NIBAN2: variants seen among roughly 807,000 people sequenced by gnomAD.
NIBAN2 encodes protein Niban 2.
Under a neutral mutation model 81.8 loss-of-function variants are expected in NIBAN2, and 36 were observed. The ratio of observed to expected loss-of-function variants is 0.44; its 90% CI spans 0.34 to 0.58. The LOEUF (loss-of-function observed/expected upper bound fraction) is 0.58, where lower values mean the gene tolerates loss of function less well. Among genes scored for constraint, NIBAN2 ranks in the 20% least tolerant of loss-of-function variants. The pLI is 0.02. For synonymous variants in NIBAN2, 445 were observed against 441.6 expected (o/e 1.01, Z -0.10); for missense variants, 897 against 1,014.1 (o/e 0.88, Z 1.57).
At chr9:127,530,351 G>C (rs1214044764) in intron 2 of NIBAN2, among the ~76,000 whole-genome samples, 1 of 152,200 alleles carries the variant, frequency 6.6e-6, no homozygotes, top group African/African-American at 2.4e-5. Context: ...AAGGGCCCTG[G>C]GCTGGTCCAG....
At chr9:127,567,242 C>A (rs890098898) in intron 1 of NIBAN2, among the ~76,000 whole-genome samples, 5 of 152,122 alleles carry the variant, frequency 3.3e-5, no homozygotes, top group Non-Finnish European at 5.9e-5. Flanking sequence ...CCCACCCAGG[C>A]CCCTCGAGGG....
At chr9:127,533,309 TAGCC>T (rs1363201020) in intron 1 of NIBAN2, among the ~76,000 whole-genome samples, 1 of 152,004 alleles carries the variant, frequency 6.6e-6, no homozygotes, top group Non-Finnish European at 1.5e-5. Context: ...TAGAAAAAAT[TAGCC>T]AGGCATGGTG....
chr9:127,576,153 A>G (rs1295560206), intron 1 of NIBAN2, among the ~76,000 whole-genome samples: 1 of 152,162 alleles, frequency 6.6e-6, no homozygotes, highest in Admixed American at 6.5e-5. Context: ...TGTGCAGAAC[A>G]CTATCCTGGG....
At chr9:127,551,647 G>A (rs570122708) in intron 1 of NIBAN2, among the ~76,000 whole-genome samples, 11 of 150,958 alleles carry the variant, frequency 7.3e-5, no homozygotes, top group Admixed American at 2.0e-4. Context: ...CCCAGGAGGC[G>A]GAGGTTGCAG....
rs775295866 is a variant in NIBAN2, at chr9:127,507,985, G to C, written c.1543-7C>G. On this transcript the variant is annotated splice_region_variant and splice_polypyrimidine_tract_variant and intron_variant, in intron 12 of 13. Coordinates refer to ENST00000373312, the MANE Select transcript of NIBAN2 (RefSeq NM_022833.4). This position sits in a 1 kb window ranked among gnomAD's most constrained non-coding sequence, Gnocchi z 6.8. ...CCTGGAACCGGGGCAGCTCCTGCCC[G>C]GGTGGGGCGGCAGAGATGAGAGGTC... is the stretch of plus-strand genomic sequence containing the variant. 1 of 1,613,570 alleles carries C rather than the reference G, an allele frequency of 6.2e-7. No individual in the cohort carries two copies. The highest frequency in any genetic ancestry group is 2.2e-5 in the East Asian group (1 of 44,872).
At chr9:127,513,009 A>G (rs931082372) in intron 8 of NIBAN2, among the ~76,000 whole-genome samples, 1 of 152,228 alleles carries the variant, frequency 6.6e-6, no homozygotes, top group African/African-American at 2.4e-5. Context: ...AATGCGGTAC[A>G]TATACACGAT....
chr9:127,523,160 T>C (rs1175231902), intron 5 of NIBAN2, among the ~76,000 whole-genome samples: 1 of 96,244 alleles, frequency 1.0e-5, no homozygotes, highest in Non-Finnish European at 2.0e-5. Flanking sequence ...CCCTGCAGGT[T>C]GGTGGTTTTA....
chr9:127,560,162 G>T (rs556055730), intron 1 of NIBAN2, among the ~76,000 whole-genome samples: 2 of 152,306 alleles, frequency 1.3e-5, no homozygotes, highest in Non-Finnish European at 2.9e-5. Context: ...CACTAGAGGA[G>T]TGGGAGCAGA....
At chr9:127,511,144 A>C (rs1423661847) in intron 8 of NIBAN2, among the ~76,000 whole-genome samples, 2 of 151,998 alleles carry the variant, frequency 1.3e-5, no homozygotes, top group African/African-American at 4.8e-5. Flanking sequence ...TCCCAGGTTC[A>C]AGTGATTCTC....
upstream of NIBAN2, among the ~76,000 whole-genome samples, chr9:127,570,103 G>A (rs1837929651): frequency 6.6e-6 from 1 of 152,132 alleles, no homozygotes. Context: ...TCCACTTTCT[G>A]CTTGTTGACC....
intron 1 of NIBAN2, among the ~76,000 whole-genome samples, chr9:127,537,942 A>G (rs1234762557): frequency 6.6e-6 from 1 of 152,132 alleles, no homozygotes; most frequent in Non-Finnish European, 1.5e-5. Context: ...AGTGGAGTTG[A>G]GTCCTGATCT....
chr9:127,557,841 T>G (rs1341204991), intron 1 of NIBAN2, among the ~76,000 whole-genome samples: 1 of 152,188 alleles, frequency 6.6e-6, no homozygotes, highest in Admixed American at 6.5e-5. Context: ...TTCAACCAGT[T>G]GGCTCAAATC....
At chr9:127,562,274 G>A (rs868797311) in intron 1 of NIBAN2, among the ~76,000 whole-genome samples, 2 of 152,154 alleles carry the variant, frequency 1.3e-5, no homozygotes, top group Non-Finnish European at 2.9e-5. Flanking sequence ...TGGGCACCAC[G>A]GATGACATAC....
chr9:127,531,904 C>T, intron 1 of NIBAN2, 126 bp from the exon 2 acceptor site: 1 of 1,303,020 alleles, frequency 7.7e-7, no homozygotes, highest in Non-Finnish European at 1.1e-6. Context: ...GCACAGGCTC[C>T]TCGCGCTCAT....
intron 8 of NIBAN2, among the ~76,000 whole-genome samples, chr9:127,515,654 T>C (rs1203971381): frequency 2.6e-5 from 4 of 151,450 alleles, no homozygotes; most frequent in East Asian, 1.9e-4. Flanking sequence ...CTGGCCAACA[T>C]GGCAAAACCC....
rs151216890 is a variant in NIBAN2, at chr9:127,516,299, G to C, written c.973+558C>G. 2.2e-3 allele frequency among the ~76,000 whole-genome samples: 334 copies of C among 152,172 alleles called. 3 individuals carry two copies. The East Asian group carries it at 0.043, about 19-fold the overall frequency. On this transcript the variant is annotated intron_variant, in intron 8 of 13. Transcript: ENST00000373312. ...CAGTGGCTCATGCCTGTAATCCCAG[G>C]ACTTTGGGAGGCCAAGGTGAGCGGA...
At chr9:127,551,845 C>G (rs888408141) in intron 1 of NIBAN2, among the ~76,000 whole-genome samples, 1 of 152,224 alleles carries the variant, frequency 6.6e-6, no homozygotes, top group Non-Finnish European at 1.5e-5. Flanking sequence ...AATGCCCATG[C>G]TCTGTCTACT....
In NIBAN2 at chr9:127,523,837, G is replaced by A; in HGVS notation, c.431C>T (p.Ala144Val). ...GAGGATGGGGGCACTGCCCGACTTT[G>A]CCGTGGTCCCTGTGGAGACAGTGCC... ...LIGNSLPGTT[A>V]KSGSAPILKC... Residue 144 changes from alanine (A) to valine (V), a missense_variant, in exon 5 of 14, where the codon GCA becomes GTA. Coordinates refer to ENST00000373312, the MANE Select transcript of NIBAN2 (RefSeq NM_022833.4). The A allele has an allele frequency of 3.1e-6, 5 of 1,611,252 alleles. No homozygotes were observed. Among genetic ancestry groups the A allele is most frequent in the Non-Finnish European group, 4.2e-6 (5 of 1,177,660 alleles).
At chr9:127,561,972 T>C (rs1256689562) in intron 1 of NIBAN2, among the ~76,000 whole-genome samples, 1 of 152,128 alleles carries the variant, frequency 6.6e-6, no homozygotes, top group Non-Finnish European at 1.5e-5. Flanking sequence ...GAAAAAGCAG[T>C]GCAGGAATTT....
Sources: gnomAD v4.1 joint callset for allele counts (sites outside exome capture counted in the v4.1 genomes callset) on GRCh38, gnomAD v4.1.1 for gene constraint, Gnocchi (gnomAD v3.1) non-coding constraint, MANE v1.5 for transcripts, NCBI Gene and HGNC (gene_info 2026-07-23, HGNC 2026-07-21) for gene names.